KDM4B: variants seen among roughly 807,000 people sequenced by gnomAD.
KDM4B encodes lysine demethylase 4B.
KDM4B carries 32 observed loss-of-function variants against 125.2 expected under a neutral mutation model. The ratio of observed to expected loss-of-function variants is 0.26; its 90% CI spans 0.19 to 0.34. The LOEUF (loss-of-function observed/expected upper bound fraction) is 0.34, where lower values mean the gene tolerates loss of function less well. Among genes scored for constraint, KDM4B ranks in the 10% least tolerant of loss-of-function variants. KDM4B has a pLI of 1.00. For missense variants in KDM4B, 1,190 were observed against 1,577.7 expected, an observed-to-expected ratio of 0.75 and a Z score of 4.16; for synonymous variants, 721 against 677.9, an observed-to-expected ratio of 1.06 and a Z score of -0.99.
chr19:5,133,774 C>A, intron 13 of KDM4B, 109 bp from the exon 14 acceptor site: 1 of 1,141,436 alleles, frequency 8.8e-7, no homozygotes, highest in Non-Finnish European at 1.3e-6. Context: ...ACCCTGTGGG[C>A]AGCCAGGGCT....
chr19:5,031,026 A>G (rs1286014446), intron 2 of KDM4B, among the ~76,000 whole-genome samples: 1 of 152,210 alleles, frequency 6.6e-6, no homozygotes, highest in African/African-American at 2.4e-5. Flanking sequence ...GGCCCAGCTC[A>G]GGCCGGCACT....
rs772198378 is a variant in KDM4B at position 5,131,160 on chromosome 19, C to CGGG, written c.1401_1402insGGG (p.Pro467_Pro468insGly). ...TTCGGCCTGCTGCCCCCACAGCTGC[C>CGGG]GCCCCCGCCTGCTCACTTCCCCTCA... is the stretch of plus-strand genomic sequence containing the variant. On this transcript the variant is annotated inframe_insertion, in exon 12 of 23. Transcript: ENST00000159111. 142 of 1,561,370 alleles carry CGGG rather than the reference C, an allele frequency of 9.1e-5. No individual in the cohort carries two copies. The highest frequency in any genetic ancestry group is 1.8e-4 in the Middle Eastern group (1 of 5,714).
chr19:5,101,136 C>T (rs946005283), intron 9 of KDM4B, among the ~76,000 whole-genome samples: 2 of 149,818 alleles, frequency 1.3e-5, no homozygotes, highest in Non-Finnish European at 3.0e-5. Context: ...GTAGGAGAAT[C>T]ACTTGAACCC....
intron 9 of KDM4B, among the ~76,000 whole-genome samples, chr19:5,087,286 A>G (rs2038535979): frequency 6.6e-6 from 1 of 152,246 alleles, no homozygotes; most frequent in Admixed American, 6.5e-5. Flanking sequence ...AGCCAGTGAC[A>G]TAGTCATTGC....
chr19:5,088,260 C>T (rs1348880162), intron 9 of KDM4B, among the ~76,000 whole-genome samples: 1 of 152,186 alleles, frequency 6.6e-6, no homozygotes, highest in Non-Finnish European at 1.5e-5. Flanking sequence ...CTCTGGAGCA[C>T]GGTTCCATCA....
At chr19:5,077,326 GCT>G in intron 7 of KDM4B, 39 bp from the exon 8 acceptor site, 1 of 1,571,270 alleles carries the variant, frequency 6.4e-7, no homozygotes, top group South Asian at 1.1e-5. Context: ...ACCCCGGCCG[GCT>G]GTGGCCCAGG....
chr19:5,046,480 A>G (rs900158572), intron 5 of KDM4B, among the ~76,000 whole-genome samples: 2 of 152,198 alleles, frequency 1.3e-5, no homozygotes, highest in Non-Finnish European at 2.9e-5. Flanking sequence ...CCGGTCGTGC[A>G]GGTGCAGGAA....
At chr19:5,014,194 TGCA>T (rs2035818333) in intron 1 of KDM4B, among the ~76,000 whole-genome samples, 2 of 152,266 alleles carry the variant, frequency 1.3e-5, no homozygotes, top group African/African-American at 4.8e-5. Context: ...TCGCCCAGGC[TGCA>T]GCCTTGAACT....
At chr19:5,061,444 C>T (rs2037594379) in intron 6 of KDM4B, among the ~76,000 whole-genome samples, 1 of 152,234 alleles carries the variant, frequency 6.6e-6, no homozygotes, top group Non-Finnish European at 1.5e-5. Context: ...ACAAGCCACC[C>T]TGCTCCCTGG....
At chr19:5,024,574 A>G (rs1178232860) in intron 2 of KDM4B, among the ~76,000 whole-genome samples, 1 of 151,834 alleles carries the variant, frequency 6.6e-6, no homozygotes, top group Non-Finnish European at 1.5e-5. Flanking sequence ...GTCCCATGTC[A>G]TGGTCACAGC....
chr19:5,038,442 G>A (rs137921921), intron 3 of KDM4B, among the ~76,000 whole-genome samples: 3 of 152,228 alleles, frequency 2.0e-5, no homozygotes, highest in Admixed American at 6.5e-5. Flanking sequence ...AGAAAGAGCC[G>A]GCGCTAACCT....
rs1019178508 is a variant in KDM4B at position 5,152,551 on chromosome 19, C to A, written c.*1040C>A. 1 of 152,274 alleles carries A rather than the reference C, an allele frequency of 6.6e-6. No individual in the cohort carries two copies. Among genetic ancestry groups the A allele is most frequent in the African/African-American group, 2.4e-5 (1 of 41,458 alleles). The allele number at this position is 152,274 out of a possible 1,614,324, so 9.4% of individuals were successfully genotyped here. A position where few individuals can be genotyped will look rare whatever the true frequency, so the allele number is the denominator to read the frequency against. On this transcript the variant is annotated 3_prime_UTR_variant, in exon 23 of 23. Coordinates refer to ENST00000159111, the MANE Select transcript of KDM4B (RefSeq NM_015015.3). The stretch of plus-strand genomic sequence containing the variant: ...CGGGGGACACAGGGCCGAGGCAGGC[C>A]TTCGGGGCCCCTTTCGCCTGCTTCC...
chr19:5,144,952 G>T (rs80337736), intron 21 of KDM4B, 50 bp downstream of exon 21: 24 of 1,610,442 alleles, frequency 1.5e-5, no homozygotes, highest in Non-Finnish European at 2.0e-5. Context: ...AGCTCTTCTT[G>T]TAGGTGCGGG....
chr19:5,127,248 G>A (rs1021699077), intron 11 of KDM4B, among the ~76,000 whole-genome samples: 5 of 152,188 alleles, frequency 3.3e-5, no homozygotes, highest in Non-Finnish European at 7.4e-5. Context: ...GGTGAGGGGC[G>A]TGCCAAGGTC....
chr19:5,024,162 C>T (rs2036210520), intron 2 of KDM4B, among the ~76,000 whole-genome samples: 1 of 152,178 alleles, frequency 6.6e-6, no homozygotes, highest in Non-Finnish European at 1.5e-5. Context: ...CATCCTGCCC[C>T]ACCTTCAAGT....
intron 9 of KDM4B, among the ~76,000 whole-genome samples, chr19:5,098,927 G>A (rs1017901809): frequency 6.6e-6 from 1 of 152,210 alleles, no homozygotes; most frequent in East Asian, 1.9e-4. Context: ...TTCAATAATG[G>A]ACTAAGACAA....
intron 21 of KDM4B, among the ~76,000 whole-genome samples, chr19:5,145,346 C>T (rs560710598): frequency 2.6e-5 from 4 of 151,984 alleles, no homozygotes; most frequent in Admixed American, 6.5e-5. Context: ...TTTGGGAGGC[C>T]GAGGCAGGTG....
chr19:5,060,433 CAAAA>C (rs901472663), intron 6 of KDM4B, among the ~76,000 whole-genome samples: 3 of 32,976 alleles, frequency 9.1e-5, no homozygotes, highest in Non-Finnish European at 1.9e-4. Flanking sequence ...ACTCTGTCTC[CAAAA>C]AAAAAAAAAA....
chr19:5,027,311 C>T (rs1470191435), intron 2 of KDM4B, among the ~76,000 whole-genome samples: 1 of 152,244 alleles, frequency 6.6e-6, no homozygotes, highest in East Asian at 1.9e-4. Context: ...CCGTGAAGCC[C>T]ACCACCACTC....
Sources: gnomAD v4.1 joint callset for allele counts (sites outside exome capture counted in the v4.1 genomes callset) on GRCh38, gnomAD v4.1.1 for gene constraint, MANE v1.5 for transcripts, NCBI Gene and HGNC (gene_info 2026-07-23, HGNC 2026-07-21) for gene names.